The following LRBA variants were observed in gnomAD, a reference collection of about 807,000 sequenced individuals.
LRBA encodes LPS responsive beige-like anchor protein.
In LRBA, 176 loss-of-function variants were observed where a neutral mutation model predicts 330.0. That is an observed-to-expected ratio of 0.53 (90% CI 0.47 to 0.60). The LOEUF (loss-of-function observed/expected upper bound fraction) is 0.60, where lower values mean the gene tolerates loss of function less well. Ranked by LOEUF, LRBA falls within the 20% of genes least tolerant of loss-of-function variation. The pLI is 0.00. For missense variants in LRBA, 3,259 were observed against 3,444.8 expected (o/e 0.95, Z 1.35); for synonymous variants, 1,230 against 1,193.0 (o/e 1.03, Z -0.64).
intron 28 of LRBA, among the ~76,000 whole-genome samples, chr4:150,835,140 C>G (rs914713081): frequency 9.2e-5 from 14 of 152,070 alleles, no homozygotes; most frequent in Non-Finnish European, 2.1e-4. Flanking sequence ...TTTCTGAGGC[C>G]TCTGTTCTGT....
intron 13 of LRBA, among the ~76,000 whole-genome samples, chr4:150,902,095 T>A (rs937825907): frequency 6.6e-6 from 1 of 152,108 alleles, no homozygotes; most frequent in Non-Finnish European, 1.5e-5. Context: ...AAAAAAGTCA[T>A]GAAGCAATAT....
chr4:150,797,253 C>T (rs893141537), intron 34 of LRBA, among the ~76,000 whole-genome samples: 3 of 151,780 alleles, frequency 2.0e-5, no homozygotes, highest in Admixed American at 6.6e-5. Flanking sequence ...TATCCTTATT[C>T]GTTAGGCAAG....
At chr4:150,805,575 GGAAAGGA>G (rs1560842737) in intron 33 of LRBA, among the ~76,000 whole-genome samples, 1 of 119,932 alleles carries the variant, frequency 8.3e-6, no homozygotes, top group Non-Finnish European at 1.6e-5. Flanking sequence ...GGAAAGGAAA[GGAAAGGA>G]AAGGAAAGGA....
chr4:150,423,414 T>A, intron 46 of LRBA: 1 of 626,566 alleles, frequency 1.6e-6, no homozygotes, highest in East Asian at 2.8e-5. Context: ...CTTCTGCGCT[T>A]CTTTTTGTGG....
intron 40 of LRBA, among the ~76,000 whole-genome samples, chr4:150,569,495 C>A (rs1264224223): frequency 6.6e-6 from 1 of 152,150 alleles, no homozygotes; most frequent in Non-Finnish European, 1.5e-5. Flanking sequence ...TAAGTCACAA[C>A]TGATTGGACA....
chr4:150,708,316 G>C (rs1211063585), intron 36 of LRBA, among the ~76,000 whole-genome samples: 1 of 151,684 alleles, frequency 6.6e-6, no homozygotes, highest in Non-Finnish European at 1.5e-5. Flanking sequence ...AAATCATTCT[G>C]GTCTTCTATC....
chr4:150,713,182 T>C (rs1786408412), intron 36 of LRBA, among the ~76,000 whole-genome samples: 2 of 152,140 alleles, frequency 1.3e-5, no homozygotes. Flanking sequence ...GCAATCCTCC[T>C]GCTTTGACCT....
At chr4:150,735,991 T>A (rs1731131844) in intron 35 of LRBA, among the ~76,000 whole-genome samples, 1 of 152,008 alleles carries the variant, frequency 6.6e-6, no homozygotes, top group Non-Finnish European at 1.5e-5. Flanking sequence ...TAAGCAAAGC[T>A]TTCAGGGTGG....
chr4:150,691,518 C>A (rs902299029), intron 36 of LRBA, among the ~76,000 whole-genome samples: 2 of 152,020 alleles, frequency 1.3e-5, no homozygotes, highest in South Asian at 4.2e-4. Context: ...CCCACTAGAC[C>A]GGCTGAAATT....
At chr4:150,942,374 C>T (rs1735769999) in intron 2 of LRBA, among the ~76,000 whole-genome samples, 1 of 152,162 alleles carries the variant, frequency 6.6e-6, no homozygotes, top group South Asian at 2.1e-4. Flanking sequence ...GTATTCTCTA[C>T]AATTGCCTTT....
At chr4:150,408,977 A>C (rs1746578145) in intron 47 of LRBA, among the ~76,000 whole-genome samples, 1 of 151,734 alleles carries the variant, frequency 6.6e-6, no homozygotes, top group Admixed American at 6.6e-5. Flanking sequence ...AATTGTGGCC[A>C]CTCCCCCCAA....
At chr4:150,825,671 G>A (rs541272191) in intron 30 of LRBA, among the ~76,000 whole-genome samples, 2 of 151,994 alleles carry the variant, frequency 1.3e-5, no homozygotes, top group Non-Finnish European at 2.9e-5. Flanking sequence ...TGTGTATCAC[G>A]GTAAAAGTGC....
chr4:150,315,735 A>T, intron 50 of LRBA, 112 bp from the exon 51 acceptor site: 1 of 692,974 alleles, frequency 1.4e-6, no homozygotes, highest in South Asian at 2.1e-5. Context: ...TAAATCTTTC[A>T]TGCAGTTTTG....
chr4:150,407,236 C>T (rs547507574), intron 47 of LRBA, among the ~76,000 whole-genome samples: 146 of 152,248 alleles, frequency 9.6e-4, no homozygotes, highest in South Asian at 1.5e-3. Flanking sequence ...ATCCTCTGGA[C>T]GAAGTGTGAT....
At chr4:150,748,488 G>A (rs1375335233) in intron 35 of LRBA, among the ~76,000 whole-genome samples, 1 of 152,070 alleles carries the variant, frequency 6.6e-6, no homozygotes, top group Non-Finnish European at 1.5e-5. Flanking sequence ...CCAACATGGT[G>A]AAACCCCGTC....
chr4:150,830,392 A>G (rs1746994600), intron 29 of LRBA, among the ~76,000 whole-genome samples: 1 of 152,218 alleles, frequency 6.6e-6, no homozygotes, highest in Non-Finnish European at 1.5e-5. Flanking sequence ...TGCTCTCCAA[A>G]CTAATGAAGG....
chr4:150,584,472 TC>T (rs67191302), intron 40 of LRBA: 102,476 of 129,028 alleles, frequency 0.79, 42,938 homozygotes, highest in Non-Finnish European at 0.9. Flanking sequence ...CTCCACCCCA[TC>T]CCCCCCCCCA....
chr4:150,595,791 G>C (rs1350834394), intron 38 of LRBA, among the ~76,000 whole-genome samples: 2 of 151,838 alleles, frequency 1.3e-5, no homozygotes, highest in Non-Finnish European at 2.9e-5. Context: ...TTCCTTATCT[G>C]TAAAGAATAA....
At chr4:150,970,625 AC>A (rs1561074534) in intron 2 of LRBA, 1 of 150,470 alleles carries the variant, frequency 6.6e-6, no homozygotes, top group Non-Finnish European at 1.5e-5. Context: ...GCATTGGAAA[AC>A]CAAAAAATGT....
Sources: allele counts gnomAD v4.1 joint callset (sites outside exome capture counted in the v4.1 genomes callset), GRCh38; gene constraint gnomAD v4.1.1; transcripts MANE v1.5; gene names NCBI Gene and HGNC (gene_info 2026-07-23, HGNC 2026-07-21).